RABEP1: variants seen among roughly 807,000 people sequenced by gnomAD.
RABEP1 encodes rab GTPase-binding effector protein 1.
A neutral mutation model predicts 123.4 loss-of-function variants in RABEP1; 51 were observed. The observed-to-expected ratio is 0.41, with a 90% CI of 0.33 to 0.52. The LOEUF is 0.52. Among genes scored for constraint, RABEP1 ranks in the 20% least tolerant of loss-of-function variants. The pLI, the probability that RABEP1 is intolerant of heterozygous loss-of-function variation, is 0.16. For synonymous variants in RABEP1, 347 were observed against 355.2 expected (o/e 0.98, Z 0.26); for missense variants, 888 against 996.3 (o/e 0.89, Z 1.46).
intron 4 of RABEP1, chr17:5,336,701 TCCTC>T: frequency 4.0e-6 from 1 of 248,172 alleles, no homozygotes; most frequent in Non-Finnish European, 7.9e-6. Context: ...GTTCTTTGCT[TCCTC>T]CCTCCTTTTT....
At chr17:5,351,128 C>G (rs1200127077) in intron 7 of RABEP1, among the ~76,000 whole-genome samples, 1 of 148,766 alleles carries the variant, frequency 6.7e-6, no homozygotes, top group Non-Finnish European at 1.5e-5. Context: ...CCAGGGAAGC[C>G]AAAAGATTGG....
chr17:5,384,800 C>T lies in RABEP1; in HGVS notation c.*1577C>T, dbSNP rs1911808296. 4.6e-6 allele frequency: 1 copy of T among 216,140 alleles called. No individual in the cohort carries two copies. The highest frequency in any genetic ancestry group is 9.3e-6 in the Non-Finnish European group (1 of 107,790). 13.4% of individuals were successfully genotyped at this position (216,140 alleles called of 1,614,324 possible). A position where few individuals can be genotyped will look rare whatever the true frequency, so the allele number is the denominator to read the frequency against. On this transcript the variant is annotated 3_prime_UTR_variant, in exon 18 of 18. Transcript: ENST00000537505. ...GTTTAAAGTCCCTTTATAAAGAGTGCTACATGGTTTAGATAAAGGAAACAT... is the reference window on the plus strand; with the variant it reads ...GTTTAAAGTCCCTTTATAAAGAGTGTTACATGGTTTAGATAAAGGAAACAT...
chr17:5,344,494 C>T (rs989826843), intron 5 of RABEP1, among the ~76,000 whole-genome samples: 16 of 151,854 alleles, frequency 1.1e-4, no homozygotes, highest in African/African-American at 3.1e-4. Context: ...GTAAAGTGGC[C>T]GAGCGCAGTG....
chr17:5,365,825 C>T (rs1002824730), intron 11 of RABEP1, among the ~76,000 whole-genome samples: 15 of 152,222 alleles, frequency 9.9e-5, no homozygotes, highest in East Asian at 1.9e-4. Context: ...CAACAGTGTA[C>T]TATTCCTACT....
chr17:5,311,424 C>T (rs1037804244), intron 2 of RABEP1, among the ~76,000 whole-genome samples: 20 of 151,766 alleles, frequency 1.3e-4, no homozygotes, highest in Admixed American at 1.3e-4. Context: ...AGGCCAGGCA[C>T]GGTGGCTGAC....
intron 13 of RABEP1, among the ~76,000 whole-genome samples, chr17:5,374,594 G>A (rs944983248): frequency 6.7e-6 from 1 of 150,038 alleles, no homozygotes; most frequent in South Asian, 2.1e-4. Context: ...GCGCCAGCAC[G>A]CTGGGCTAAT....
chr17:5,328,051 T>G (rs532271651), intron 2 of RABEP1, among the ~76,000 whole-genome samples: 1 of 152,310 alleles, frequency 6.6e-6, no homozygotes, highest in East Asian at 1.9e-4. Flanking sequence ...GAAGTAGTTA[T>G]CAACAGTCAA....
intron 2 of RABEP1, among the ~76,000 whole-genome samples, chr17:5,319,404 T>C (rs1312497165): frequency 1.3e-5 from 2 of 151,036 alleles, no homozygotes; most frequent in Non-Finnish European, 3.0e-5. Context: ...TCTCACTTCA[T>C]CACCCAGGCT....
chr17:5,319,184 ACCGGGTGT>A (rs2075327305), intron 2 of RABEP1, among the ~76,000 whole-genome samples: 1 of 151,308 alleles, frequency 6.6e-6, no homozygotes, highest in Non-Finnish European at 1.5e-5. Flanking sequence ...CAAAAAATTA[ACCGGGTGT>A]GGTGGTGCAC....
At chr17:5,371,586 A>C (rs1393454592) in intron 12 of RABEP1, 2 of 152,214 alleles carry the variant, frequency 1.3e-5, no homozygotes, top group Non-Finnish European at 2.9e-5. Context: ...AGTGGATTCT[A>C]GTCTGAAGAC....
chr17:5,328,117 G>A (rs55993740), intron 2 of RABEP1, among the ~76,000 whole-genome samples: 20,660 of 152,074 alleles, frequency 0.14, 1,459 homozygotes, highest in East Asian at 0.17. Flanking sequence ...CAAAACCTGC[G>A]ACGTAAGTAA....
chr17:5,282,714 G>C (rs891937634), intron 1 of RABEP1, among the ~76,000 whole-genome samples, 194 bp downstream of exon 1: 1 of 148,580 alleles, frequency 6.7e-6, no homozygotes, highest in East Asian at 1.9e-4. Flanking sequence ...TCGCTGGGGA[G>C]GGGGCGGGAG....
intron 6 of RABEP1, among the ~76,000 whole-genome samples, chr17:5,348,984 A>G (rs1022006169): frequency 6.6e-6 from 1 of 152,168 alleles, no homozygotes; most frequent in Non-Finnish European, 1.5e-5. Context: ...ACCACTGTCT[A>G]ATTCCAAACA....
chr17:5,342,767 C>G (rs934571438), intron 5 of RABEP1, among the ~76,000 whole-genome samples: 1 of 152,108 alleles, frequency 6.6e-6, no homozygotes, highest in African/African-American at 2.4e-5. Context: ...ATTTTGAAGA[C>G]AAGATGAGGA....
At position 5,323,721 on chromosome 17, in the gene RABEP1, G is replaced by A. The variant is rs1905632045; in HGVS notation, c.164-8228G>A. The stretch of plus-strand genomic sequence containing the variant: ...CTCTAGGAATATATATATATATCTA[G>A]GAATATATATATATCTAGGAATATA... On this transcript the variant is annotated intron_variant, in intron 2 of 17. Coordinates refer to ENST00000537505, the MANE Select transcript of RABEP1 (RefSeq NM_004703.6). Among the ~76,000 whole-genome samples the A allele has an allele frequency of 3.0e-5, 2 of 66,258 alleles. 1 individual carries two copies. The highest frequency in any genetic ancestry group is 1.9e-4 in the African/African-American group (2 of 10,626). The allele number at this position is 66,258 out of a possible 152,430, so 43.5% of individuals were successfully genotyped here.
In RABEP1 at chr17:5,360,651, G is replaced by C. The variant is rs748287824; in HGVS notation, c.1096-557G>C. 1.8e-4 allele frequency among the ~76,000 whole-genome samples: 28 copies of C among 152,314 alleles called. 1 individual carries two copies. Among genetic ancestry groups the C allele is most frequent in the Non-Finnish European group, 1.8e-4 (12 of 68,024 alleles). On this transcript the variant is annotated intron_variant, in intron 8 of 17. Coordinates refer to ENST00000537505, the MANE Select transcript of RABEP1 (RefSeq NM_004703.6). ...ATCCCCAAGATGTTAATCTTTCTCA[G>C]GGTTCTGCCCTTGGCCCTCTTTGCC...
intron 7 of RABEP1, among the ~76,000 whole-genome samples, chr17:5,353,251 C>T (rs1273159256): frequency 1.3e-5 from 2 of 152,200 alleles, no homozygotes; most frequent in Non-Finnish European, 2.9e-5. Context: ...TTAATTGTCT[C>T]TTCTCATGCA....
At chr17:5,322,736 A>G (rs944556642) in intron 2 of RABEP1, among the ~76,000 whole-genome samples, 1 of 152,248 alleles carries the variant, frequency 6.6e-6, no homozygotes, top group African/African-American at 2.4e-5. Context: ...CGATATACAC[A>G]AATAAAGAAA....
At chr17:5,307,179 G>A (rs62075065) in intron 1 of RABEP1, among the ~76,000 whole-genome samples, 156 of 152,264 alleles carry the variant, frequency 1.0e-3, no homozygotes, top group Non-Finnish European at 1.4e-3. Context: ...TTAGCCAGGC[G>A]TGGTGGCACA....
Sources: allele counts gnomAD v4.1 joint callset (sites outside exome capture counted in the v4.1 genomes callset), GRCh38; gene constraint gnomAD v4.1.1; transcripts MANE v1.5; gene names NCBI Gene and HGNC (gene_info 2026-07-23, HGNC 2026-07-21).